MFHAS1: variants seen among roughly 807,000 people sequenced by gnomAD.
MFHAS1 encodes malignant fibrous histiocytoma-amplified sequence 1.
Under a neutral mutation model 70.4 loss-of-function variants are expected in MFHAS1, and 50 were observed. The ratio of observed to expected loss-of-function variants is 0.71; its 90% confidence interval spans 0.57 to 0.90. The LOEUF (loss-of-function observed/expected upper bound fraction) is 0.90, where lower values mean the gene tolerates loss of function less well. Among genes scored for constraint, MFHAS1 ranks in the 40% least tolerant of loss-of-function variants. MFHAS1 has a pLI of 0.00. For missense variants in MFHAS1, 1,795 were observed against 1,347.6 expected (o/e 1.33, Z -5.20); for synonymous variants, 952 against 620.0 (o/e 1.54, Z -7.96).
chr8:8,834,062 G>A (rs917668318), intron 1 of MFHAS1, among the ~76,000 whole-genome samples: 1 of 151,944 alleles, frequency 6.6e-6, no homozygotes, highest in Non-Finnish European at 1.5e-5. Context: ...GGAGGCGGAG[G>A]CTGCAGTGAG....
intron 1 of MFHAS1, among the ~76,000 whole-genome samples, chr8:8,817,846 G>A (rs1806805642): frequency 6.6e-6 from 1 of 152,116 alleles, no homozygotes; most frequent in Non-Finnish European, 1.5e-5. Context: ...TAATGCTGCC[G>A]CTGATCGGAC....
intron 2 of MFHAS1, among the ~76,000 whole-genome samples, chr8:8,787,609 G>T (rs2117240615): frequency 6.6e-6 from 1 of 152,304 alleles, no homozygotes; most frequent in African/African-American, 2.4e-5. Flanking sequence ...AGAAGAGAGG[G>T]TTTTGAAAAC....
chr8:8,879,980 A>G (rs1049152044), intron 1 of MFHAS1, among the ~76,000 whole-genome samples: 1 of 152,252 alleles, frequency 6.6e-6, no homozygotes, highest in South Asian at 2.1e-4. Context: ...AGCTCTATGC[A>G]GAAGACAAGA....
At chr8:8,867,237 C>A (rs1001270729) in intron 1 of MFHAS1, among the ~76,000 whole-genome samples, 1 of 152,194 alleles carries the variant, frequency 6.6e-6, no homozygotes, top group Non-Finnish European at 1.5e-5. Context: ...TGGTCATCAG[C>A]ATATGCAAAC....
intron 1 of MFHAS1, among the ~76,000 whole-genome samples, chr8:8,813,442 A>G (rs966737080): frequency 6.6e-6 from 1 of 152,202 alleles, no homozygotes. Context: ...TAACAGCTCC[A>G]TCACTGTCAT....
chr8:8,842,099 T>C (rs1223988528), intron 1 of MFHAS1, among the ~76,000 whole-genome samples: 1 of 152,228 alleles, frequency 6.6e-6, no homozygotes, highest in Non-Finnish European at 1.5e-5. Context: ...GACAGCCTGC[T>C]GCAGGTTTTC....
At chr8:8,854,497 G>C (rs990259856) in intron 1 of MFHAS1, among the ~76,000 whole-genome samples, 3 of 149,728 alleles carry the variant, frequency 2.0e-5, no homozygotes, top group African/African-American at 5.0e-5. Context: ...CTCCAGCCTG[G>C]GCAACAGAGC....
Position 8,893,203 on chromosome 8 carries a change from G to A in MFHAS1, c.-145C>T, listed in dbSNP as rs1047219155. 9 of 297,920 alleles carry A rather than the reference G, an allele frequency of 3.0e-5. No individual in the cohort carries two copies. Among genetic ancestry groups the A allele is most frequent in the Non-Finnish European group, 5.0e-5 (9 of 181,576 alleles). 18.5% of individuals were successfully genotyped at this position (297,920 alleles called of 1,614,324 possible). On this transcript the variant is annotated 5_prime_UTR_variant, in exon 1 of 3. Transcript: ENST00000276282. The stretch of plus-strand genomic sequence containing the variant: ...GCCGCGGGTCCTAGCGCAGCCAGCG[G>A]CCGAGCGCTGGCGGCTAGGGGGCGG...
At chr8:8,789,934 C>T (rs1805669181) in intron 2 of MFHAS1, among the ~76,000 whole-genome samples, 1 of 152,054 alleles carries the variant, frequency 6.6e-6, no homozygotes, top group South Asian at 2.1e-4. Flanking sequence ...CTTGCCCGTT[C>T]CTCCCCTCTC....
In MFHAS1 at chr8:8,891,897, C is replaced by A. The variant is rs748133343; in HGVS notation, c.1162G>T (p.Gly388Trp). The A allele has an allele frequency of 6.2e-7, 1 of 1,611,040 alleles. No individual in the cohort carries two copies. Among genetic ancestry groups the A allele is most frequent in the Non-Finnish European group, 8.5e-7 (1 of 1,178,486 alleles). ...IQPPYEVCMKGIPYIAAYQKE... is the reference protein window; with the variant it reads ...IQPPYEVCMKWIPYIAAYQKE... Reference sequence around the variant, plus strand: ...TGGTAGGCTGCGATGTAGGGGATCCCCTTCATGCAGACCTCGTAGGGGGGC... The same window carrying A: ...TGGTAGGCTGCGATGTAGGGGATCCACTTCATGCAGACCTCGTAGGGGGGC... The change falls in exon 1 of 3, where the codon GGG becomes TGG. Residue 388 changes from glycine to tryptophan, a missense_variant. Gly to Trp is a radical substitution (Grantham distance 184, BLOSUM62 -2). Transcript: ENST00000276282. This position sits in a 1 kb window ranked among gnomAD's most constrained non-coding sequence, Gnocchi z 5.4.
At chr8:8,829,515 T>C (rs2117320044) in intron 1 of MFHAS1, among the ~76,000 whole-genome samples, 1 of 152,318 alleles carries the variant, frequency 6.6e-6, no homozygotes, top group Non-Finnish European at 1.5e-5. Context: ...ACCCCATCTC[T>C]ACTAAAAATA....
At position 8,887,079 on chromosome 8, in the gene MFHAS1, A is replaced by T. The variant is rs1374970807; in HGVS notation, c.2998+2982T>A. ...GAGGCAGAGGTTGCAGTGAGTCAAG[A>T]TCACTCCACTGCACTCCAGCCTGGG... On this transcript the variant is annotated intron_variant, in intron 1 of 2. Transcript: ENST00000276282. Among the ~76,000 whole-genome samples the T allele has an allele frequency of 1.3e-5, 2 of 152,182 alleles. 1 individual carries two copies. The highest frequency in any genetic ancestry group is 1.3e-4 in the Admixed American group (2 of 15,266).
chr8:8,883,484 G>T (rs1373467555), intron 1 of MFHAS1, among the ~76,000 whole-genome samples: 1 of 151,652 alleles, frequency 6.6e-6, no homozygotes, highest in Non-Finnish European at 1.5e-5. Flanking sequence ...AAGGTGGGTG[G>T]ATCACGTGAG....
chr8:8,799,326 CTAT>C (rs1298597874), intron 1 of MFHAS1, among the ~76,000 whole-genome samples: 1 of 152,132 alleles, frequency 6.6e-6, no homozygotes, highest in Non-Finnish European at 1.5e-5. Flanking sequence ...CTCTCAAAAA[CTAT>C]TATTATGCTG....
rs199954100 is a variant in MFHAS1 at position 8,892,246 on chromosome 8, G to A, written c.813C>T (p.Cys271=). 1 of 1,611,900 alleles carries A rather than the reference G, an allele frequency of 6.2e-7. No individual in the cohort carries two copies. Among genetic ancestry groups the A allele is most frequent in the East Asian group, 2.2e-5 (1 of 44,876 alleles). The part of the protein sequence containing the change: ...GLQALPAQFS[C]LQRLKMLNLS... ...GGTTGAGCATTTTGAGCCGCTGCAG[G>A]CAGCTGAACTGGGCGGGCAGAGCCT... The change falls in exon 1 of 3, where the codon TGC becomes TGT. Residue 271 remains cysteine (C), a synonymous_variant. Coordinates refer to ENST00000276282, the MANE Select transcript of MFHAS1 (RefSeq NM_004225.3). The surrounding 1 kb of genome is among the most constrained non-coding windows in gnomAD (Gnocchi z 4.7).
chr8:8,819,343 C>T (rs1292128065), intron 1 of MFHAS1, among the ~76,000 whole-genome samples: 9 of 152,106 alleles, frequency 5.9e-5, no homozygotes, highest in African/African-American at 4.8e-5. Context: ...CGGTGGCTCA[C>T]GCCTGTAATC....
chr8:8,802,236 A>G (rs1275546979), intron 1 of MFHAS1, among the ~76,000 whole-genome samples: 5 of 152,226 alleles, frequency 3.3e-5, no homozygotes, highest in Admixed American at 6.5e-5. Flanking sequence ...TAGTTTGCCA[A>G]TGGTCACAGG....
Position 8,844,637 on chromosome 8 carries a change from C to A in MFHAS1, c.2998+45424G>T, listed in dbSNP as rs150192144. On this transcript the variant is annotated intron_variant, in intron 1 of 2. Coordinates refer to ENST00000276282, the MANE Select transcript of MFHAS1 (RefSeq NM_004225.3). ...AAGGTCAGCTCTCTGCTTCAGATGC[C>A]TCCTTCTCAGACCATCTCTCATGCA... 1.9e-3 allele frequency among the ~76,000 whole-genome samples: 286 copies of A among 152,298 alleles called. 6 individuals carry two copies. The highest frequency in any genetic ancestry group is 3.4e-4 in the Non-Finnish European group (23 of 68,028).
intron 1 of MFHAS1, among the ~76,000 whole-genome samples, chr8:8,835,570 A>AT (rs988735222): frequency 2.0e-5 from 3 of 152,232 alleles, no homozygotes; most frequent in Non-Finnish European, 4.4e-5. Flanking sequence ...AACTTGCTAT[A>AT]TAATGATCTT....
Sources: allele counts gnomAD v4.1 joint callset (sites outside exome capture counted in the v4.1 genomes callset), GRCh38; gene constraint gnomAD v4.1.1; non-coding constraint Gnocchi (gnomAD v3.1); transcripts MANE v1.5; gene names NCBI Gene and HGNC (gene_info 2026-07-23, HGNC 2026-07-21).